The following LRCH3 variants were observed in gnomAD, a reference collection of about 807,000 sequenced individuals.
LRCH3 encodes DISP complex protein LRCH3.
A neutral mutation model predicts 104.5 loss-of-function variants in LRCH3; 68 were observed. The ratio of observed to expected loss-of-function variants is 0.65; its 90% CI spans 0.54 to 0.80. The LOEUF is 0.80. LRCH3 is among the 30% of genes least tolerant of loss of function. The probability of loss-of-function intolerance (pLI) is 0.00; values close to 1 mark genes in which losing one functional copy is unlikely to be tolerated. For synonymous variants in LRCH3, 344 were observed against 361.3 expected, an observed-to-expected ratio of 0.95 and a Z score of 0.54; for missense variants, 951 against 953.9, an observed-to-expected ratio of 1.00 and a Z score of 0.04.
intron 1 of LRCH3, among the ~76,000 whole-genome samples, chr3:197,795,025 A>G (rs1731034152): frequency 6.6e-6 from 1 of 152,064 alleles, no homozygotes; most frequent in African/African-American, 2.4e-5. Context: ...AAAAAAAAAT[A>G]TTAATCTTTT....
intron 8 of LRCH3, among the ~76,000 whole-genome samples, chr3:197,835,372 C>T (rs914020296): frequency 4.6e-5 from 7 of 151,092 alleles, no homozygotes; most frequent in African/African-American, 7.3e-5. Context: ...TTAGTAGAGA[C>T]GGGATTTCAG....
In LRCH3 at chr3:197,870,199, C is replaced by A. The variant is rs775420734; in HGVS notation, c.1913C>A (p.Thr638Asn). Residue 638 changes from threonine to asparagine, a missense_variant, in exon 18 of 21, where the codon ACT becomes AAT. Coordinates refer to ENST00000425562, the MANE Select transcript of LRCH3 (RefSeq NM_001365715.1). ...CTTCCTCCATCTGCTGCACCTACCA[C>A]TGATTCTACAGATTCCATAACAGGA... ...SPLPPSAAPT[T>N]DSTDSITGQN... is the part of the protein sequence containing the mutation. 8 of 1,612,918 alleles carry A rather than the reference C, an allele frequency of 5.0e-6. No homozygotes were observed. The highest frequency in any genetic ancestry group is 5.9e-6 in the Non-Finnish European group (7 of 1,179,072).
At chr3:197,801,873 C>T (rs185792307) in intron 1 of LRCH3, among the ~76,000 whole-genome samples, 54 of 152,244 alleles carry the variant, frequency 3.5e-4, no homozygotes, top group Non-Finnish European at 6.8e-4. Context: ...TATCTGGAGG[C>T]TTTGGGGAAC....
At chr3:197,815,960 A>G (rs556307404) in intron 2 of LRCH3, among the ~76,000 whole-genome samples, 2 of 152,318 alleles carry the variant, frequency 1.3e-5, no homozygotes, top group South Asian at 4.1e-4. Context: ...ACATTCTTTA[A>G]AACTATTTTT....
At chr3:197,861,562 CTTT>C (rs906823364) in intron 15 of LRCH3, among the ~76,000 whole-genome samples, 1 of 152,012 alleles carries the variant, frequency 6.6e-6, no homozygotes, top group Non-Finnish European at 1.5e-5. Flanking sequence ...ATAGATAAGT[CTTT>C]TTTTTCTATC....
chr3:197,839,913 A>G (rs1217626586), intron 10 of LRCH3, among the ~76,000 whole-genome samples: 1 of 151,758 alleles, frequency 6.6e-6, no homozygotes, highest in Non-Finnish European at 1.5e-5. Context: ...GTGAGACTGC[A>G]GTGAACCCAG....
intron 20 of LRCH3, chr3:197,880,940 C>G: frequency 7.1e-7 from 1 of 1,399,210 alleles, no homozygotes; most frequent in Non-Finnish European, 9.3e-7. Context: ...ATTTTTTCTC[C>G]TGGTCATCCG....
chr3:197,880,224 T>C (rs13090172), intron 20 of LRCH3, among the ~76,000 whole-genome samples: 132,991 of 151,994 alleles, frequency 0.87, 58,897 homozygotes, highest in East Asian at 0.96. Flanking sequence ...GGATTACAGG[T>C]GTGAGCCACC....
At position 197,797,991 on chromosome 3, in the gene LRCH3, C is replaced by T. The variant is rs374498137; in HGVS notation, c.262+6451C>T. On this transcript the variant is annotated intron_variant, in intron 1 of 20. Transcript: ENST00000425562. ...ATCTGAAGCTGGGTGCAGTGGCTCA[C>T]GCCTGTAACCCTAGCACTTTAACAC... 2.4e-4 allele frequency among the ~76,000 whole-genome samples: 37 copies of T among 152,128 alleles called. 2 individuals carry two copies. The East Asian group carries it at 6.4e-3, about 26-fold the overall frequency.
chr3:197,830,339 C>T (rs574051866), intron 6 of LRCH3, among the ~76,000 whole-genome samples: 11 of 152,274 alleles, frequency 7.2e-5, no homozygotes, highest in African/African-American at 2.2e-4. Flanking sequence ...ACCTCAGCCT[C>T]CTGAGTATGG....
rs566308981 is a variant in LRCH3 at position 197,824,797 on chromosome 3, T to C, written c.641-2081T>C. On this transcript the variant is annotated intron_variant, in intron 4 of 20. Transcript: ENST00000425562. ...ATCTTGGCCAGGCTGGTCTTGAACTTCTGACCTCGTGATTCACCCGCCTTG... is the reference window on the plus strand; with the variant it reads ...ATCTTGGCCAGGCTGGTCTTGAACTCCTGACCTCGTGATTCACCCGCCTTG... Among the ~76,000 whole-genome samples, 1,226 of 146,324 alleles carry C rather than the reference T, an allele frequency of 8.4e-3. 41 individuals are homozygous for C. The highest frequency in any genetic ancestry group is 0.06 in the East Asian group (280 of 4,642).
chr3:197,877,527 C>T (rs1478625515), intron 20 of LRCH3, among the ~76,000 whole-genome samples: 1 of 120,016 alleles, frequency 8.3e-6, no homozygotes, highest in African/African-American at 2.7e-5. Flanking sequence ...GCACCCATGG[C>T]AGTGATTCTC....
chr3:197,862,383 C>T (rs1740987440), intron 15 of LRCH3, among the ~76,000 whole-genome samples: 1 of 152,152 alleles, frequency 6.6e-6, no homozygotes. Context: ...TGCCTGTTAA[C>T]TTTCTCCTTT....
Position 197,854,276 on chromosome 3 carries a change from A to G in LRCH3, c.1591-116A>G, listed in dbSNP as rs9863587. 0.62 allele frequency: 546,041 copies of G among 878,736 alleles called. 171,030 individuals carry two copies. The highest frequency in any genetic ancestry group is 0.68 in the South Asian group (50,803 of 74,380). 54.4% of individuals were successfully genotyped at this position (878,736 alleles called of 1,614,324 possible). A position where few individuals can be genotyped will look rare whatever the true frequency, so the allele number is the denominator to read the frequency against. On this transcript the variant is annotated intron_variant, in intron 13 of 20. Transcript: ENST00000425562. The surrounding 1 kb of genome is among the most constrained non-coding windows in gnomAD (Gnocchi z 4.5). ...ATTGTGAATGTGGTCCTCTATGTCAACGTCTTCAAAAGTATGTCTTAATAT... is the reference window on the plus strand; with the variant it reads ...ATTGTGAATGTGGTCCTCTATGTCAGCGTCTTCAAAAGTATGTCTTAATAT...
Position 197,835,661 on chromosome 3 carries a change from G to A in LRCH3, c.1103-13G>A, listed in dbSNP as rs1291442482. On this transcript the variant is annotated splice_polypyrimidine_tract_variant and intron_variant, in intron 8 of 20. Coordinates refer to ENST00000425562, the MANE Select transcript of LRCH3 (RefSeq NM_001365715.1). ...TGTGTGTGTGTGTGTGGGTGTGTGT[G>A]TGGTGTATACAGTGGAACATGATCT... 1.2e-6 allele frequency: 2 copies of A among 1,607,652 alleles called. No homozygotes were observed. The highest frequency in any genetic ancestry group is 1.7e-6 in the Non-Finnish European group (2 of 1,176,268).
rs141511260 is a variant in LRCH3 at position 197,871,953 on chromosome 3, G to T, written c.2130+491G>T. 8.9e-4 allele frequency among the ~76,000 whole-genome samples: 136 copies of T among 152,232 alleles called. 1 individual carries two copies. Among genetic ancestry groups the T allele is most frequent in the African/African-American group, 2.4e-3 (99 of 41,534 alleles). On this transcript the variant is annotated intron_variant, in intron 19 of 20. Coordinates refer to ENST00000425562, the MANE Select transcript of LRCH3 (RefSeq NM_001365715.1). The stretch of plus-strand genomic sequence containing the variant: ...GGGTAAGGCTAGAGACGTGAGCTGG[G>T]GCCGTGGTACAAAGGCCTTATGAAC...
intron 20 of LRCH3, chr3:197,881,245 G>A (rs1194441249): frequency 4.0e-6 from 4 of 995,160 alleles, no homozygotes; most frequent in Non-Finnish European, 4.8e-6. Flanking sequence ...CTGAATCCCC[G>A]CTTTGTCGGT....
At chr3:197,865,978 G>A (rs967551342) in intron 16 of LRCH3, 134 bp from the exon 17 acceptor site, 1 of 660,466 alleles carries the variant, frequency 1.5e-6, no homozygotes, top group Non-Finnish European at 2.6e-6. Context: ...TTCTGTACCA[G>A]ACTTTTCATC....
In LRCH3 at chr3:197,864,462, T is replaced by C. The variant is rs1298863921; in HGVS notation, c.1717-961T>C. ...GTATCTACTAAAAATACAAAAAAAT[T>C]AGCTGGGTATGGTGGTGCATGCCTG... is the stretch of plus-strand genomic sequence containing the variant. On this transcript the variant is annotated intron_variant, in intron 15 of 20. Coordinates refer to ENST00000425562, the MANE Select transcript of LRCH3 (RefSeq NM_001365715.1). 3.4e-5 allele frequency among the ~76,000 whole-genome samples: 5 copies of C among 147,958 alleles called. 2 individuals carry two copies. Among genetic ancestry groups the C allele is most frequent in the African/African-American group, 1.3e-4 (5 of 38,450 alleles).
Sources: allele counts gnomAD v4.1 joint callset (sites outside exome capture counted in the v4.1 genomes callset), GRCh38; gene constraint gnomAD v4.1.1; non-coding constraint Gnocchi (gnomAD v3.1); transcripts MANE v1.5; gene names NCBI Gene and HGNC (gene_info 2026-07-23, HGNC 2026-07-21).